Variants in NIM1K observed in about 807,000 individuals in gnomAD.
NIM1K encodes the protein NIM1 serine/threonine protein kinase.
A neutral mutation model predicts 37.1 loss-of-function variants in NIM1K; 35 were observed. The ratio of observed to expected loss-of-function variants is 0.94; its 90% CI spans 0.72 to 1.25. The LOEUF (loss-of-function observed/expected upper bound fraction) is 1.25, where lower values mean the gene tolerates loss of function less well. NIM1K is among the 50% of genes most tolerant of loss of function. NIM1K has a pLI of 0.00. For synonymous variants in NIM1K, 234 were observed against 206.6 expected, an observed-to-expected ratio of 1.13 and a Z score of -1.14; for missense variants, 564 against 548.0, an observed-to-expected ratio of 1.03 and a Z score of -0.29.
chr5:43,270,840 C>A (rs1753245081), intron 2 of NIM1K, among the ~76,000 whole-genome samples: 1 of 152,134 alleles, frequency 6.6e-6, no homozygotes, highest in Admixed American at 6.5e-5. Flanking sequence ...AATAGAGATC[C>A]TCCTCCAGTG....
intron 3 of NIM1K, among the ~76,000 whole-genome samples, chr5:43,279,375 A>G (rs1489989316): frequency 6.6e-6 from 1 of 152,158 alleles, no homozygotes; most frequent in African/African-American, 2.4e-5. Context: ...AAGCTGACAA[A>G]CACAAAGCCA....
At chr5:43,260,261 A>G (rs1426439482) in intron 2 of NIM1K, among the ~76,000 whole-genome samples, 1 of 152,148 alleles carries the variant, frequency 6.6e-6, no homozygotes, top group African/African-American at 2.4e-5. Flanking sequence ...TTCCAGTACT[A>G]TGTTGAACAG....
chr5:43,240,321 C>T (rs565539783), intron 1 of NIM1K: 5 of 151,838 alleles, frequency 3.3e-5, no homozygotes, highest in South Asian at 4.2e-4. Context: ...ACCATCCACC[C>T]GTCTCGGTCT....
intron 1 of NIM1K, among the ~76,000 whole-genome samples, chr5:43,204,070 T>TAGTTCCA (rs1480479579): frequency 1.6e-4 from 23 of 143,636 alleles, no homozygotes; most frequent in African/African-American, 5.9e-4. Context: ...CTATCACTGA[T>TAGTTCCA]AGTTCCAATG....
chr5:43,238,339 G>A (rs886072353), intron 1 of NIM1K, among the ~76,000 whole-genome samples: 19 of 151,942 alleles, frequency 1.3e-4, no homozygotes, highest in African/African-American at 4.1e-4. Flanking sequence ...CACTGCGCCC[G>A]GCCAATTTAA....
In NIM1K at chr5:43,224,234, C is replaced by T. The variant is rs149120247; in HGVS notation, c.-694-20848C>T. On this transcript the variant is annotated intron_variant, in intron 1 of 3. Coordinates refer to ENST00000326035, the MANE Select transcript of NIM1K (RefSeq NM_153361.4). ...TCATCACTGAATACAAGAACCTATGCGCTGTCCCCTCACCCCTAACACCCC... is the reference window on the plus strand; with the variant it reads ...TCATCACTGAATACAAGAACCTATGTGCTGTCCCCTCACCCCTAACACCCC... Among the ~76,000 whole-genome samples, 30 of 151,968 alleles carry T rather than the reference C, an allele frequency of 2.0e-4. No individual in the cohort carries two copies. The East Asian group carries it at 4.1e-3, about 21-fold the overall frequency.
intron 1 of NIM1K, among the ~76,000 whole-genome samples, chr5:43,224,716 A>G (rs1464335139): frequency 1.8e-5 from 1 of 54,290 alleles, no homozygotes; most frequent in Non-Finnish European, 4.0e-5. Context: ...TTTTTTTTTG[A>G]GACAGCTTCT....
chr5:43,264,229 C>T (rs187520988), intron 2 of NIM1K, among the ~76,000 whole-genome samples: 4,873 of 152,064 alleles, frequency 0.032, 287 homozygotes, highest in African/African-American at 0.11. Flanking sequence ...GGTGTCAAAG[C>T]CTCCCATTAT....
intron 1 of NIM1K, among the ~76,000 whole-genome samples, chr5:43,208,062 C>T (rs1392836472): frequency 1.3e-5 from 2 of 152,064 alleles, no homozygotes; most frequent in Non-Finnish European, 2.9e-5. Flanking sequence ...CACTGACCCC[C>T]CCTGGAATGT....
At chr5:43,277,702 T>G (rs186381459) in intron 3 of NIM1K, among the ~76,000 whole-genome samples, 1 of 151,856 alleles carries the variant, frequency 6.6e-6, no homozygotes, top group Admixed American at 6.6e-5. Flanking sequence ...TCATATGACA[T>G]CTCACATTCT....
intron 2 of NIM1K, among the ~76,000 whole-genome samples, 188 bp from the exon 3 acceptor site, chr5:43,276,867 ACT>A (rs1395610429): frequency 1.3e-5 from 2 of 152,016 alleles, no homozygotes; most frequent in Admixed American, 6.5e-5. Flanking sequence ...TGTGTGGAAG[ACT>A]CACACCGATC....
intron 1 of NIM1K, among the ~76,000 whole-genome samples, chr5:43,203,041 T>G (rs956556527): frequency 3.3e-5 from 5 of 152,268 alleles, no homozygotes; most frequent in Admixed American, 6.5e-5. Context: ...TTGCTTCTGC[T>G]GGAATGTTTG....
intron 2 of NIM1K, among the ~76,000 whole-genome samples, chr5:43,249,986 G>A (rs886537680): frequency 6.6e-6 from 1 of 150,982 alleles, no homozygotes; most frequent in African/African-American, 2.4e-5. Flanking sequence ...CCGAGGAGCT[G>A]GGACTACAGA....
intron 2 of NIM1K, among the ~76,000 whole-genome samples, chr5:43,272,684 G>C (rs140302067): frequency 2.0e-5 from 3 of 152,040 alleles, no homozygotes; most frequent in African/African-American, 7.3e-5. Context: ...TGTCCCCTTG[G>C]TCCTGTAGAC....
chr5:43,237,956 A>G (rs1752644371), intron 1 of NIM1K, among the ~76,000 whole-genome samples: 1 of 151,778 alleles, frequency 6.6e-6, no homozygotes, highest in Admixed American at 6.6e-5. Flanking sequence ...TAGATGTTGG[A>G]CTTTCTGAAT....
chr5:43,240,235 A>ATTTTTTT (rs1443249451), intron 1 of NIM1K: 9 of 150,674 alleles, frequency 6.0e-5, no homozygotes, highest in African/African-American at 2.2e-4. Context: ...CACCCAGCTA[A>ATTTTTTT]TTTTTTTTAT....
rs1752768336 is a variant in NIM1K, at chr5:43,245,757, A to G, written c.-19A>G. 6.4e-7 allele frequency: 1 copy of G among 1,551,656 alleles called. No individual in the cohort carries two copies. The highest frequency in any genetic ancestry group is 1.2e-5 in the South Asian group (1 of 81,106). The stretch of plus-strand genomic sequence containing the variant: ...AACCTGCCTCTTCGCTGAGATGGAG[A>G]CGTGAGCCCCCGTGGACGATGACTG... On this transcript the variant is annotated 5_prime_UTR_variant, in exon 2 of 4. Transcript: ENST00000326035.
chr5:43,271,840 C>T (rs577410016), intron 2 of NIM1K, among the ~76,000 whole-genome samples: 2 of 152,302 alleles, frequency 1.3e-5, no homozygotes, highest in East Asian at 3.9e-4. Flanking sequence ...TATACCCTGT[C>T]CCTGACTCCT....
At chr5:43,249,197 G>A (rs1752831943) in intron 2 of NIM1K, among the ~76,000 whole-genome samples, 1 of 151,994 alleles carries the variant, frequency 6.6e-6, no homozygotes, top group Non-Finnish European at 1.5e-5. Context: ...AGCTTCCCGA[G>A]TAGCTGGGAC....
Sources: gnomAD v4.1 joint callset for allele counts (sites outside exome capture counted in the v4.1 genomes callset) on GRCh38, gnomAD v4.1.1 for gene constraint, MANE v1.5 for transcripts, NCBI Gene and HGNC (gene_info 2026-07-23, HGNC 2026-07-21) for gene names.